The following TRPM3 variants were observed in gnomAD, a reference collection of about 807,000 sequenced individuals.
TRPM3 encodes long transient receptor potential channel 3.
TRPM3 carries 77 observed loss-of-function variants against 181.2 expected under a neutral mutation model. The observed-to-expected ratio is 0.42, with a 90% CI of 0.35 to 0.51. The LOEUF (loss-of-function observed/expected upper bound fraction) is 0.51. Ranked by LOEUF, TRPM3 falls within the 20% of genes least tolerant of loss-of-function variation. TRPM3 has a pLI of 0.01. For synonymous variants in TRPM3, 745 were observed against 796.4 expected (o/e 0.94, Z 1.09); for missense variants, 1,759 against 2,196.7 (o/e 0.80, Z 3.98).
intron 1 of TRPM3, among the ~76,000 whole-genome samples, chr9:71,289,621 A>T (rs2085610688): frequency 6.6e-6 from 1 of 152,170 alleles, no homozygotes; most frequent in South Asian, 2.1e-4. Context: ...TAATCCCAAC[A>T]TTGTGGGAGG....
chr9:71,258,890 T>C (rs968328762), intron 1 of TRPM3, among the ~76,000 whole-genome samples: 4 of 152,174 alleles, frequency 2.6e-5, no homozygotes, highest in Non-Finnish European at 4.4e-5. Flanking sequence ...AATATTTTAA[T>C]GGAGCTTTTC....
At chr9:71,226,780 A>G (rs1180102945) in intron 1 of TRPM3, among the ~76,000 whole-genome samples, 1 of 152,182 alleles carries the variant, frequency 6.6e-6, no homozygotes, top group Non-Finnish European at 1.5e-5. Flanking sequence ...CTCCAATACA[A>G]TAATAGCTGG....
At chr9:71,260,969 C>A (rs150415732) in intron 1 of TRPM3, among the ~76,000 whole-genome samples, 5 of 152,110 alleles carry the variant, frequency 3.3e-5, no homozygotes, top group African/African-American at 4.8e-5. Context: ...GTGAATCTGA[C>A]GATTATGTGT....
intron 1 of TRPM3, among the ~76,000 whole-genome samples, chr9:71,148,433 G>A (rs2075553556): frequency 6.6e-6 from 1 of 152,092 alleles, no homozygotes; most frequent in Non-Finnish European, 1.5e-5. Flanking sequence ...TCTAAGGTGT[G>A]TTGGATGTTG....
At chr9:71,120,221 A>G (rs1269278469) in intron 1 of TRPM3, among the ~76,000 whole-genome samples, 2 of 152,240 alleles carry the variant, frequency 1.3e-5, no homozygotes, top group African/African-American at 4.8e-5. Context: ...AAGAGCATAC[A>G]TACTCAGGAA....
rs34045881 is a variant in TRPM3, at chr9:71,172,187, C to T, written c.183+274466G>A. Among the ~76,000 whole-genome samples the T allele has an allele frequency of 9.5e-3, 1,444 of 152,004 alleles. 2 individuals carry two copies. Among genetic ancestry groups the T allele is most frequent in the South Asian group, 0.016 (76 of 4,792 alleles). ...TAAGTGCTGGGATTACAGGAATGAGCCACTGTGCCCAGCGCATAGAAGGCA... is the reference window on the plus strand; with the variant it reads ...TAAGTGCTGGGATTACAGGAATGAGTCACTGTGCCCAGCGCATAGAAGGCA... On this transcript the variant is annotated intron_variant, in intron 1 of 24. Transcript: ENST00000357533.
intron 1 of TRPM3, among the ~76,000 whole-genome samples, chr9:71,154,224 T>C (rs1431343686): frequency 6.6e-6 from 1 of 152,138 alleles, no homozygotes; most frequent in Non-Finnish European, 1.5e-5. Flanking sequence ...CTTTTTAAAA[T>C]ATAATATCCA....
At chr9:71,302,389 C>T (rs2086862737) in intron 1 of TRPM3, among the ~76,000 whole-genome samples, 1 of 152,098 alleles carries the variant, frequency 6.6e-6, no homozygotes, top group East Asian at 1.9e-4. Context: ...GTCTAAAAGC[C>T]ACCAAAATAT....
intron 1 of TRPM3, among the ~76,000 whole-genome samples, chr9:71,422,913 A>C (rs528834099): frequency 7.9e-5 from 12 of 152,098 alleles, no homozygotes; most frequent in South Asian, 2.1e-4. Context: ...ACACAGACCC[A>C]GTAAGAGGTG....
At chr9:70,606,163 T>A (rs1415258404) in intron 19 of TRPM3, among the ~76,000 whole-genome samples, 1 of 152,200 alleles carries the variant, frequency 6.6e-6, no homozygotes, top group Admixed American at 6.5e-5. Flanking sequence ...CCACTTTCCT[T>A]ATAGGGCCTT....
chr9:70,752,562 T>C (rs1226114351), intron 8 of TRPM3, among the ~76,000 whole-genome samples: 1 of 152,124 alleles, frequency 6.6e-6, no homozygotes, highest in Non-Finnish European at 1.5e-5. Flanking sequence ...GCTGCAGTCA[T>C]AGGCTGCATA....
intron 1 of TRPM3, among the ~76,000 whole-genome samples, chr9:71,301,076 A>G (rs577181703): frequency 1.3e-5 from 2 of 151,720 alleles, no homozygotes; most frequent in Middle Eastern, 3.4e-3. Flanking sequence ...TGTCTATGCC[A>G]TTTAAAAGCA....
intron 1 of TRPM3, among the ~76,000 whole-genome samples, chr9:71,232,034 T>C (rs1348936413): frequency 6.6e-6 from 1 of 152,254 alleles, no homozygotes; most frequent in Non-Finnish European, 1.5e-5. Context: ...AAAGACCTTA[T>C]GTTTCTTCCA....
intron 22 of TRPM3, among the ~76,000 whole-genome samples, chr9:70,582,183 T>TGTGC (rs538527934): frequency 2.3e-3 from 60 of 26,378 alleles, no homozygotes; most frequent in South Asian, 0.017. Context: ...ACCCTGTGCG[T>TGTGC]GTGTGTGTGT....
In TRPM3 at chr9:71,069,139, T is replaced by C. The variant is rs1350678980; in HGVS notation, c.177+52039A>G. Among the ~76,000 whole-genome samples the C allele has an allele frequency of 3.2e-4, 49 of 152,234 alleles. 1 individual carries two copies. Among genetic ancestry groups the C allele is most frequent in the Non-Finnish European group, 7.3e-5 (5 of 68,042 alleles). On this transcript the variant is annotated intron_variant, in intron 1 of 25. Transcript: ENST00000677713. ...TGAGGAAGCTGCCTATGTACTCATA[T>C]TGAAAGCTAAGATATATTATGTGAG...
intron 1 of TRPM3, among the ~76,000 whole-genome samples, chr9:70,924,982 G>A (rs115868993): frequency 0.017 from 2,615 of 152,208 alleles, 72 homozygotes; most frequent in African/African-American, 0.06. Context: ...TTCATTCTGC[G>A]CTCTTTCCAC....
intron 6 of TRPM3, among the ~76,000 whole-genome samples, chr9:70,788,600 T>C (rs2084521924): frequency 1.3e-5 from 2 of 152,128 alleles, no homozygotes; most frequent in South Asian, 2.1e-4. Flanking sequence ...GGTTTTGGGA[T>C]GGTTCAAGTG....
chr9:70,923,903 CACACACATATATACATATAT>C (rs201549386), intron 1 of TRPM3, among the ~76,000 whole-genome samples: 23,702 of 149,600 alleles, frequency 0.16, 2,317 homozygotes, highest in East Asian at 0.29. Context: ...TATACATACA[CACACACATATATACATATAT>C]ACACACATAT....
chr9:71,418,950 T>C (rs1355610831), intron 1 of TRPM3, among the ~76,000 whole-genome samples: 1 of 149,490 alleles, frequency 6.7e-6, no homozygotes, highest in Non-Finnish European at 1.5e-5. Flanking sequence ...ATGTATTATA[T>C]ATACATGTAA....
Sources: gnomAD v4.1 joint callset for allele counts (sites outside exome capture counted in the v4.1 genomes callset) on GRCh38, gnomAD v4.1.1 for gene constraint, MANE v1.5 for transcripts, NCBI Gene and HGNC (gene_info 2026-07-23, HGNC 2026-07-21) for gene names.